Variants in CDH12 observed in about 807,000 individuals in gnomAD.
The protein encoded by CDH12 is cadherin-12.
CDH12 carries 41 observed loss-of-function variants against 74.1 expected under a neutral mutation model. That is an observed-to-expected ratio of 0.55 (90% confidence interval 0.43 to 0.72). CDH12 has a LOEUF of 0.72. CDH12 is among the 30% of genes least tolerant of loss of function. CDH12 has a pLI of 0.00. For synonymous variants in CDH12, 399 were observed against 355.0 expected (o/e 1.12, Z -1.39); for missense variants, 945 against 977.2 (o/e 0.97, Z 0.44).
intron 5 of CDH12, among the ~76,000 whole-genome samples, chr5:22,003,628 T>C (rs1325046874): frequency 6.6e-6 from 1 of 151,820 alleles, no homozygotes; most frequent in Non-Finnish European, 1.5e-5. Context: ...TTGACTGGAA[T>C]CAAAAAGTGA....
rs150308156 is a variant in CDH12, at chr5:22,723,500, T to C, written c.-523+129558A>G. Among the ~76,000 whole-genome samples the C allele has an allele frequency of 6.8e-4, 104 of 152,140 alleles. 2 individuals are homozygous for C. The East Asian group carries it at 0.02, about 29-fold the overall frequency. ...TAATATTAAATGTAAAGCAGCAGTTTAGTCAAGAGCTAAGAGTTAAGATTG... is the reference window on the plus strand; with the variant it reads ...TAATATTAAATGTAAAGCAGCAGTTCAGTCAAGAGCTAAGAGTTAAGATTG... On this transcript the variant is annotated intron_variant, in intron 1 of 14. Coordinates refer to ENST00000382254, the MANE Select transcript of CDH12 (RefSeq NM_004061.5).
At chr5:21,899,762 A>C (rs905477142) in intron 6 of CDH12, among the ~76,000 whole-genome samples, 26 of 141,916 alleles carry the variant, frequency 1.8e-4, no homozygotes, top group African/African-American at 6.4e-4. Context: ...TTATTAATAT[A>C]ATAATAACAT....
At chr5:22,469,527 T>G (rs1175227593) in intron 2 of CDH12, among the ~76,000 whole-genome samples, 1 of 124,140 alleles carries the variant, frequency 8.1e-6, no homozygotes, top group Non-Finnish European at 1.7e-5. Flanking sequence ...GCATTAAGGC[T>G]CACTCCAGTG....
intron 1 of CDH12, among the ~76,000 whole-genome samples, chr5:22,830,925 CAT>C (rs1161452238): frequency 6.6e-6 from 1 of 151,566 alleles, no homozygotes; most frequent in Admixed American, 6.6e-5. Flanking sequence ...AATGAAACAA[CAT>C]AAACTCCTCA....
rs140175499 is a variant in CDH12 at position 21,883,627 on chromosome 5, G to A, written c.527-28837C>T. ...CAGCCTCATGACTTAGGAAAAGTTGGAGAGGTCATTGTGACCAAAGACGAT... is the reference window on the plus strand; with the variant it reads ...CAGCCTCATGACTTAGGAAAAGTTGAAGAGGTCATTGTGACCAAAGACGAT... On this transcript the variant is annotated intron_variant, in intron 6 of 14. Transcript: ENST00000382254. The A allele has an allele frequency of 2.1e-3, 3,316 of 1,611,252 alleles. 61 individuals are homozygous for A. The African/African-American group carries it at 0.039, about 19-fold the overall frequency.
intron 3 of CDH12, among the ~76,000 whole-genome samples, chr5:22,402,318 C>G (rs1554038027): frequency 2.0e-5 from 3 of 152,144 alleles, no homozygotes; most frequent in Non-Finnish European, 4.4e-5. Context: ...AGAACACATA[C>G]TTTTTTGAAT....
At chr5:22,176,948 C>CCATATGATCA (rs1317833030) in intron 4 of CDH12, among the ~76,000 whole-genome samples, 2 of 152,086 alleles carry the variant, frequency 1.3e-5, no homozygotes, top group Non-Finnish European at 2.9e-5. Context: ...AACCAAGCTG[C>CCATATGATCA]CATATGATCA....
At chr5:22,461,030 C>CTTTTTTTTTT (rs34555692) in intron 2 of CDH12, among the ~76,000 whole-genome samples, 1 of 63,562 alleles carries the variant, frequency 1.6e-5, no homozygotes, top group Non-Finnish European at 2.8e-5. Flanking sequence ...CAATGTCTAG[C>CTTTTTTTTTT]TTTTTTTTTT....
intron 4 of CDH12, among the ~76,000 whole-genome samples, chr5:22,185,862 C>T (rs1390059363): frequency 1.3e-5 from 2 of 152,016 alleles, no homozygotes; most frequent in Non-Finnish European, 2.9e-5. Flanking sequence ...TATGCTAAGG[C>T]GTATGAAAGG....
intron 5 of CDH12, among the ~76,000 whole-genome samples, chr5:22,034,348 A>T (rs1312195587): frequency 1.3e-5 from 2 of 152,194 alleles, no homozygotes; most frequent in Non-Finnish European, 2.9e-5. Flanking sequence ...ATGTAAAGAA[A>T]ATTGTTGAAT....
chr5:21,894,341 T>C (rs189079754), intron 6 of CDH12, among the ~76,000 whole-genome samples: 277 of 136,940 alleles, frequency 2.0e-3, no homozygotes, highest in African/African-American at 7.5e-3. Flanking sequence ...ATTGTGCCGC[T>C]GCACTCCAGC....
intron 3 of CDH12, among the ~76,000 whole-genome samples, chr5:22,317,164 A>G: frequency 6.6e-6 from 1 of 152,126 alleles, no homozygotes; most frequent in Non-Finnish European, 1.5e-5. Flanking sequence ...CTAAAAATAC[A>G]GAAATTATTC....
At chr5:22,223,263 C>T (rs75694168) in intron 3 of CDH12, among the ~76,000 whole-genome samples, 3,869 of 152,018 alleles carry the variant, frequency 0.025, 70 homozygotes, top group African/African-American at 0.052. Context: ...GACTCATGGA[C>T]GCAAATGAGT....
chr5:22,835,092 C>T (rs146607477), intron 1 of CDH12, among the ~76,000 whole-genome samples: 4 of 152,154 alleles, frequency 2.6e-5, no homozygotes, highest in African/African-American at 9.6e-5. Context: ...AGAAGGATTT[C>T]GAAGATGTCT....
chr5:21,970,980 A>G (rs529911968), intron 6 of CDH12, among the ~76,000 whole-genome samples: 26 of 151,774 alleles, frequency 1.7e-4, no homozygotes, highest in Admixed American at 2.0e-4. Context: ...TAGAGTTGAG[A>G]GAAAAAAAGA....
At chr5:21,805,203 CAT>C (rs1217387996) in intron 9 of CDH12, among the ~76,000 whole-genome samples, 2 of 152,070 alleles carry the variant, frequency 1.3e-5, no homozygotes, top group African/African-American at 2.4e-5. Context: ...TCTACTTTCT[CAT>C]ATGTTGAAGT....
intron 1 of CDH12, among the ~76,000 whole-genome samples, chr5:22,614,869 C>T (rs994659565): frequency 2.6e-5 from 4 of 152,138 alleles, no homozygotes; most frequent in Non-Finnish European, 4.4e-5. Context: ...TTCACACTGT[C>T]GTACTGTGAC....
At chr5:22,156,259 G>T (rs192715072) in intron 4 of CDH12, among the ~76,000 whole-genome samples, 1 of 152,194 alleles carries the variant, frequency 6.6e-6, no homozygotes, top group East Asian at 1.9e-4. Flanking sequence ...CTTTCTCAGA[G>T]ATTAAAGGTA....
intron 5 of CDH12, among the ~76,000 whole-genome samples, chr5:22,049,934 T>C (rs761740213): frequency 8.5e-5 from 13 of 152,172 alleles, no homozygotes; most frequent in Non-Finnish European, 1.8e-4. Flanking sequence ...ATTTCCATCC[T>C]TTTATTTAAA....
Sources: gnomAD v4.1 joint callset for allele counts (sites outside exome capture counted in the v4.1 genomes callset) on GRCh38, gnomAD v4.1.1 for gene constraint, MANE v1.5 for transcripts, NCBI Gene and HGNC (gene_info 2026-07-23, HGNC 2026-07-21) for gene names.